Variants in PDZRN3 observed in about 807,000 individuals in gnomAD.
The protein encoded by PDZRN3 is E3 ubiquitin-protein ligase PDZRN3.
A neutral mutation model predicts 85.7 loss-of-function variants in PDZRN3; 38 were observed. The ratio of observed to expected loss-of-function variants is 0.44; its 90% CI spans 0.34 to 0.58. PDZRN3 has a LOEUF of 0.58. Among genes scored for constraint, PDZRN3 ranks in the 20% least tolerant of loss-of-function variants. The probability of loss-of-function intolerance (pLI) is 0.01; values close to 1 mark genes in which losing one functional copy is unlikely to be tolerated. For synonymous variants in PDZRN3, 759 were observed against 638.0 expected (o/e 1.19, Z -2.86); for missense variants, 1,629 against 1,506.4 (o/e 1.08, Z -1.35).
At chr3:73,567,483 CTGA>C (rs569150024) in intron 3 of PDZRN3, among the ~76,000 whole-genome samples, 9 of 152,012 alleles carry the variant, frequency 5.9e-5, no homozygotes, top group Non-Finnish European at 1.3e-4. Context: ...TAAAGCAAAA[CTGA>C]TGATTAACAG....
intron 3 of PDZRN3, among the ~76,000 whole-genome samples, chr3:73,490,336 G>T (rs1703747066): frequency 6.6e-6 from 1 of 152,134 alleles, no homozygotes. Context: ...GACCATGTAC[G>T]CCCACTACGA....
intron 3 of PDZRN3, among the ~76,000 whole-genome samples, chr3:73,501,413 G>A (rs772892574): frequency 3.3e-5 from 5 of 152,162 alleles, no homozygotes; most frequent in Non-Finnish European, 7.4e-5. Flanking sequence ...CTCCAACAGG[G>A]CACATCCATC....
chr3:73,474,538 T>C (rs1286315092), intron 3 of PDZRN3: 2 of 1,287,792 alleles, frequency 1.6e-6, no homozygotes, highest in East Asian at 5.5e-5. Flanking sequence ...TCCATCTTCA[T>C]TTAAAAATTG....
chr3:73,592,910 A>G (rs1465202181), intron 3 of PDZRN3, among the ~76,000 whole-genome samples: 1 of 152,208 alleles, frequency 6.6e-6, no homozygotes, highest in Non-Finnish European at 1.5e-5. Flanking sequence ...CACTGTGCTT[A>G]GTTTAGCTCC....
intron 3 of PDZRN3, among the ~76,000 whole-genome samples, chr3:73,540,335 T>C (rs902532143): frequency 1.3e-5 from 2 of 152,056 alleles, no homozygotes; most frequent in African/African-American, 2.4e-5. Flanking sequence ...TCCCCTCCAA[T>C]AAAAACAAAA....
chr3:73,600,744 C>T (rs376585805), intron 3 of PDZRN3, among the ~76,000 whole-genome samples: 2 of 152,304 alleles, frequency 1.3e-5, no homozygotes, highest in East Asian at 3.9e-4. Flanking sequence ...GGCTGTTCCA[C>T]CAAACCCTTG....
intron 3 of PDZRN3, among the ~76,000 whole-genome samples, chr3:73,409,365 TG>T (rs1701919658): frequency 6.6e-6 from 1 of 152,218 alleles, no homozygotes; most frequent in South Asian, 2.1e-4. Context: ...CTTTTCCAGT[TG>T]GTCCTGAGAA....
At chr3:73,597,585 C>A (rs1169744044) in intron 3 of PDZRN3, among the ~76,000 whole-genome samples, 2 of 152,076 alleles carry the variant, frequency 1.3e-5, no homozygotes, top group Non-Finnish European at 2.9e-5. Context: ...TCACCAAAGG[C>A]AAGCCTCCTG....
intron 3 of PDZRN3, among the ~76,000 whole-genome samples, chr3:73,421,980 C>T (rs759909218): frequency 9.2e-5 from 14 of 152,240 alleles, no homozygotes; most frequent in South Asian, 2.1e-4. Context: ...GAAAACTGGG[C>T]GGAGTTTCTT....
intron 1 of PDZRN3, among the ~76,000 whole-genome samples, chr3:73,614,944 A>G (rs912274913): frequency 1.3e-5 from 2 of 152,214 alleles, no homozygotes; most frequent in African/African-American, 2.4e-5. Flanking sequence ...TCCAAAGCCT[A>G]AGACTGAAGG....
At chr3:73,403,900 T>C (rs1307459589) in intron 4 of PDZRN3, among the ~76,000 whole-genome samples, 1 of 152,174 alleles carries the variant, frequency 6.6e-6, no homozygotes, top group African/African-American at 2.4e-5. Flanking sequence ...TTTACAACAT[T>C]TGTAAGTAAT....
intron 8 of PDZRN3, among the ~76,000 whole-genome samples, chr3:73,387,517 G>C (rs1045570532): frequency 8.5e-5 from 13 of 152,214 alleles, no homozygotes; most frequent in African/African-American, 3.1e-4. Flanking sequence ...GGAGGGCCTA[G>C]CACTTATTCG....
At chr3:73,619,861 G>A (rs1444603425) in intron 1 of PDZRN3, among the ~76,000 whole-genome samples, 1 of 152,254 alleles carries the variant, frequency 6.6e-6, no homozygotes, top group Admixed American at 6.5e-5. Flanking sequence ...GGTAAAGAAG[G>A]AATTGAAGAG....
In PDZRN3 at chr3:73,383,953, C is replaced by T. The variant is rs1409886222; in HGVS notation, c.2613G>A (p.Ala871=). 1.2e-6 allele frequency: 2 copies of T among 1,601,000 alleles called. No individual in the cohort carries two copies. Among genetic ancestry groups the T allele is most frequent in the African/African-American group, 1.3e-5 (1 of 74,866 alleles). ...AGTGCTGGGCGTGCGCCGGGATGTG[C>T]GCGTGCTTGTATGGGGAGTGGTGAT... The part of the protein sequence containing the change: ...PSYHHSPYKH[A]HIPAHAQHYQ... Residue 871 remains alanine, a synonymous_variant, in exon 10 of 10, where the codon GCG becomes GCA. Transcript: ENST00000263666.
At chr3:73,438,365 A>C (rs1418213816) in intron 3 of PDZRN3, among the ~76,000 whole-genome samples, 1 of 152,254 alleles carries the variant, frequency 6.6e-6, no homozygotes, top group East Asian at 1.9e-4. Context: ...TATCTAATTC[A>C]AGCATATTAT....
intron 3 of PDZRN3, among the ~76,000 whole-genome samples, chr3:73,563,013 A>ATATATATATT (rs1187151191): frequency 9.1e-5 from 4 of 43,752 alleles, no homozygotes; most frequent in African/African-American, 4.1e-4. Flanking sequence ...ATATATATAT[A>ATATATATATT]TTTTTTTTTT....
At position 73,587,187 on chromosome 3, in the gene PDZRN3, T is replaced by C. The variant is rs1559749335; in HGVS notation, c.918+15167A>G. Among the ~76,000 whole-genome samples the C allele has an allele frequency of 7.2e-5, 11 of 152,278 alleles. No individual in the cohort carries two copies. The South Asian group carries it at 2.3e-3, about 32-fold the overall frequency. ...TGAGCCATGAAATCAATGTAGTGAG[T>C]GGCAAATGGCATTAGAAGAAAAAGA... On this transcript the variant is annotated intron_variant, in intron 3 of 9. Coordinates refer to ENST00000263666, the MANE Select transcript of PDZRN3 (RefSeq NM_015009.3).
intron 3 of PDZRN3, among the ~76,000 whole-genome samples, chr3:73,515,725 A>G (rs1704245547): frequency 6.6e-6 from 1 of 152,210 alleles, no homozygotes; most frequent in Non-Finnish European, 1.5e-5. Flanking sequence ...ATTATATTGC[A>G]GAGAGGAAAT....
intron 1 of PDZRN3, among the ~76,000 whole-genome samples, chr3:73,612,082 ATCATAAC>A (rs1346913891): frequency 0.058 from 8,839 of 152,246 alleles, 863 homozygotes; most frequent in African/African-American, 0.2. Context: ...TGGGTAGTTT[ATCATAAC>A]CCATGATTTG....
Sources: gnomAD v4.1 joint callset for allele counts (sites outside exome capture counted in the v4.1 genomes callset) on GRCh38, gnomAD v4.1.1 for gene constraint, MANE v1.5 for transcripts, NCBI Gene and HGNC (gene_info 2026-07-23, HGNC 2026-07-21) for gene names.